REDIC1: variants seen among roughly 807,000 people sequenced by gnomAD.
The protein encoded by REDIC1 is HEI10 Interacting Protein 1.
the REDIC1 span, among the ~76,000 whole-genome samples, chr12:39,729,011 C>T: frequency 2.2e-3 from 328 of 151,158 alleles, 1 homozygote; most frequent in African/African-American, 7.6e-3. Flanking sequence ...GTGATCTCCC[C>T]TTTATCATTT....
At chr12:39,787,155 A>G in the REDIC1 span, among the ~76,000 whole-genome samples, 1 of 152,196 alleles carries the variant, frequency 6.6e-6, no homozygotes, top group African/African-American at 2.4e-5. Context: ...CTAGTTTTAT[A>G]CAAAGGTTAA....
chr12:39,872,681 A>G, the REDIC1 span, among the ~76,000 whole-genome samples: 18 of 152,350 alleles, frequency 1.2e-4, no homozygotes, highest in African/African-American at 4.1e-4. Context: ...TGGCACATTT[A>G]AGGATGACAA....
the REDIC1 span, among the ~76,000 whole-genome samples, chr12:39,778,829 A>G: frequency 6.6e-6 from 1 of 152,240 alleles, no homozygotes; most frequent in Non-Finnish European, 1.5e-5. Flanking sequence ...ACACAAAACC[A>G]TTTAGCAACA....
the REDIC1 span, among the ~76,000 whole-genome samples, chr12:39,850,924 G>C: frequency 6.6e-6 from 1 of 150,690 alleles, no homozygotes; most frequent in East Asian, 1.9e-4. Context: ...TTTTGAGATG[G>C]AGTCTTGCTT....
chr12:39,886,291 T>C, the REDIC1 span, among the ~76,000 whole-genome samples: 1 of 152,172 alleles, frequency 6.6e-6, no homozygotes. Context: ...TTGACAGCGC[T>C]GTGCCCTTTG....
chr12:39,894,346 A>G, the REDIC1 span, among the ~76,000 whole-genome samples: 3 of 152,234 alleles, frequency 2.0e-5, no homozygotes, highest in African/African-American at 7.2e-5. Context: ...ACATTTGTGA[A>G]TATGATGATT....
chr12:39,881,432 CTTTT>C, the REDIC1 span, among the ~76,000 whole-genome samples: 2,982 of 152,286 alleles, frequency 0.02, 33 homozygotes, highest in Non-Finnish European at 0.032. Flanking sequence ...TCACGACTGT[CTTTT>C]TCAGTTTACT....
chr12:39,709,238 T>A, the REDIC1 span, among the ~76,000 whole-genome samples: 2 of 151,612 alleles, frequency 1.3e-5, no homozygotes, highest in South Asian at 2.1e-4. Flanking sequence ...TTTTTTTTTT[T>A]TTATTTTGCC....
chr12:39,690,846 A>G, the REDIC1 span, among the ~76,000 whole-genome samples: 1 of 152,116 alleles, frequency 6.6e-6, no homozygotes, highest in Non-Finnish European at 1.5e-5. Context: ...TTTGTGAATA[A>G]CTTAGTGTCT....
the REDIC1 span, chr12:39,760,324 T>G: frequency 7.1e-7 from 1 of 1,407,650 alleles, no homozygotes; most frequent in Non-Finnish European, 9.6e-7. Context: ...GATTACTTGA[T>G]TTTGACTTTT....
the REDIC1 span, among the ~76,000 whole-genome samples, chr12:39,718,654 A>G: frequency 6.6e-6 from 1 of 151,854 alleles, no homozygotes; most frequent in Non-Finnish European, 1.5e-5. Context: ...TTCCTAATAA[A>G]TATCCTATGT....
chr12:39,752,269 G>A, the REDIC1 span, among the ~76,000 whole-genome samples: 4 of 152,126 alleles, frequency 2.6e-5, no homozygotes, highest in African/African-American at 9.7e-5. Flanking sequence ...GCTGAACTCT[G>A]CCTCTTGTCA....
At chr12:39,746,435 G>A in the REDIC1 span, among the ~76,000 whole-genome samples, 14 of 152,152 alleles carry the variant, frequency 9.2e-5, no homozygotes, top group African/African-American at 3.4e-4. Flanking sequence ...CGGGAAGCTC[G>A]AACTGGGTGG....
chr12:39,838,779 A>C, the REDIC1 span, among the ~76,000 whole-genome samples: 1 of 152,078 alleles, frequency 6.6e-6, no homozygotes, highest in East Asian at 1.9e-4. Context: ...ATTTGAGTTA[A>C]TTTAGAACAT....
At chr12:39,762,440 A>C in the REDIC1 span, among the ~76,000 whole-genome samples, 1 of 152,244 alleles carries the variant, frequency 6.6e-6, no homozygotes, top group African/African-American at 2.4e-5. Context: ...AAGCTTTGAC[A>C]TAATGCCCCC....
the REDIC1 span, among the ~76,000 whole-genome samples, chr12:39,714,356 TG>T: frequency 2.0e-5 from 3 of 147,962 alleles, 1 homozygote; most frequent in East Asian, 5.9e-4. Flanking sequence ...TATGTATATG[TG>T]TATATATGTG....
chr12:39,865,687 T>C, the REDIC1 span, among the ~76,000 whole-genome samples: 6 of 152,234 alleles, frequency 3.9e-5, no homozygotes, highest in African/African-American at 1.2e-4. Flanking sequence ...GATGGAATAC[T>C]ATGCAGCTGT....
chr12:39,727,927 A>T, the REDIC1 span, among the ~76,000 whole-genome samples: 1 of 152,160 alleles, frequency 6.6e-6, no homozygotes, highest in Non-Finnish European at 1.5e-5. Flanking sequence ...TGTGAATGAG[A>T]GTTCACTCAT....
At chr12:39,871,567 C>A in the REDIC1 span, among the ~76,000 whole-genome samples, 1 of 151,854 alleles carries the variant, frequency 6.6e-6, no homozygotes, top group Non-Finnish European at 1.5e-5. Context: ...CTCAGTAGAT[C>A]CAAATTATTC....
Sources: allele counts gnomAD v4.1 joint callset (sites outside exome capture counted in the v4.1 genomes callset), GRCh38; gene constraint gnomAD v4.1.1; transcripts MANE v1.5; gene names NCBI Gene and HGNC (gene_info 2026-07-23, HGNC 2026-07-21).